CUL1: variants seen among roughly 807,000 people sequenced by gnomAD.
CUL1 encodes cullin-1.
A neutral mutation model predicts 118.0 loss-of-function variants in CUL1; 24 were observed. The observed-to-expected ratio is 0.20, with a 90% CI of 0.15 to 0.29. The LOEUF (loss-of-function observed/expected upper bound fraction) is 0.29, where lower values mean the gene tolerates loss of function less well. CUL1 is among the 10% of genes least tolerant of loss of function. The pLI is 1.00. For synonymous variants in CUL1, 332 were observed against 340.4 expected (o/e 0.98, Z 0.27); for missense variants, 361 against 933.8 (o/e 0.39, Z 7.99).
chr7:148,763,045 G>T (rs1437952789), intron 7 of CUL1, among the ~76,000 whole-genome samples: 1 of 152,156 alleles, frequency 6.6e-6, no homozygotes, highest in Non-Finnish European at 1.5e-5. Context: ...TACTTGGGAA[G>T]CTGAGGCAGG....
chr7:148,725,587 C>G (rs1020956831), intron 1 of CUL1, among the ~76,000 whole-genome samples: 6 of 152,122 alleles, frequency 3.9e-5, no homozygotes, highest in Non-Finnish European at 7.4e-5. Flanking sequence ...TCGTGGGTGC[C>G]CATCTCTAAG....
chr7:148,732,977 G>C (rs908152472), intron 2 of CUL1, among the ~76,000 whole-genome samples: 2 of 152,014 alleles, frequency 1.3e-5, no homozygotes, highest in Non-Finnish European at 2.9e-5. Flanking sequence ...CAGCTGTCAG[G>C]CTTTGTGCTT....
At chr7:148,727,143 T>C (rs1798612859) in intron 1 of CUL1, among the ~76,000 whole-genome samples, 3 of 152,218 alleles carry the variant, frequency 2.0e-5, no homozygotes, top group Admixed American at 1.3e-4. Flanking sequence ...CTACTAAATA[T>C]TCGTTAAAAC....
intron 17 of CUL1, among the ~76,000 whole-genome samples, chr7:148,795,769 C>CA (rs915978562): frequency 0.044 from 2,453 of 55,740 alleles, 42 homozygotes; most frequent in African/African-American, 0.08. Flanking sequence ...GACTCTGTCT[C>CA]AAAAAAAAAA....
rs541557917 is a variant in CUL1, at chr7:148,794,411, A to G, written c.1899+1593A>G. On this transcript the variant is annotated intron_variant, in intron 17 of 21. Coordinates refer to ENST00000325222, the MANE Select transcript of CUL1 (RefSeq NM_003592.3). ...ATATGGGTTTATTTCTGGATTCTCA[A>G]TTATTTTCCAGTGATCTGTATATCT... 3.3e-5 allele frequency among the ~76,000 whole-genome samples: 5 copies of G among 152,276 alleles called. No homozygotes were observed. The South Asian group carries it at 8.3e-4, about 25-fold the overall frequency.
chr7:148,762,242 A>G (rs894095646), intron 7 of CUL1, among the ~76,000 whole-genome samples: 2 of 152,214 alleles, frequency 1.3e-5, no homozygotes, highest in African/African-American at 4.8e-5. Context: ...AATTAAAAGC[A>G]ACAGCTCTGC....
At chr7:148,708,545 T>TACAG (rs1797958051) in intron 1 of CUL1, among the ~76,000 whole-genome samples, 1 of 152,234 alleles carries the variant, frequency 6.6e-6, no homozygotes, top group Non-Finnish European at 1.5e-5. Context: ...CTTCCTTGAT[T>TACAG]ACAGAGGCTC....
chr7:148,702,093 T>C (rs1339551084), intron 1 of CUL1, among the ~76,000 whole-genome samples: 5 of 152,192 alleles, frequency 3.3e-5, no homozygotes, highest in Non-Finnish European at 5.9e-5. Context: ...AAATGAAAAA[T>C]AGATCCTATT....
At chr7:148,765,923 C>T (rs1236762176) in intron 7 of CUL1, among the ~76,000 whole-genome samples, 1 of 152,092 alleles carries the variant, frequency 6.6e-6, no homozygotes, top group Non-Finnish European at 1.5e-5. Context: ...CTTAGAGTGG[C>T]AGAGACATTA....
At chr7:148,777,177 A>G (rs959666429) in intron 9 of CUL1, among the ~76,000 whole-genome samples, 2 of 152,184 alleles carry the variant, frequency 1.3e-5, no homozygotes, top group African/African-American at 2.4e-5. Context: ...CAAGGCCGGA[A>G]TCAAAATGAA....
chr7:148,746,737 T>G (rs1234830842), intron 2 of CUL1, among the ~76,000 whole-genome samples: 1 of 152,260 alleles, frequency 6.6e-6, no homozygotes, highest in Non-Finnish European at 1.5e-5. Flanking sequence ...GATTCTTTAG[T>G]AAGTAAAAGT....
At chr7:148,783,505 G>T in intron 9 of CUL1, 1 of 1,290,944 alleles carries the variant, frequency 7.7e-7, no homozygotes. Flanking sequence ...CTGTTTTCAT[G>T]ATCTCTTTGA....
chr7:148,786,746 T>C, intron 12 of CUL1, 147 bp downstream of exon 12: 1 of 822,316 alleles, frequency 1.2e-6, no homozygotes. Context: ...TAAATTGAGT[T>C]ACTACTTTTA....
intron 2 of CUL1, 73 bp from the exon 3 acceptor site, chr7:148,753,903 A>G (rs1323734911): frequency 1.7e-6 from 2 of 1,173,222 alleles, no homozygotes; most frequent in Non-Finnish European, 2.4e-6. Flanking sequence ...GTAATGAAAT[A>G]TAAGAAAATA....
chr7:148,765,512 C>A (rs1008724887), intron 7 of CUL1, among the ~76,000 whole-genome samples: 42 of 152,096 alleles, frequency 2.8e-4, no homozygotes, highest in Non-Finnish European at 7.4e-5. Context: ...CACCTGTAGT[C>A]CCAGCTGCAC....
rs114899825 is a variant in CUL1 at position 148,742,424 on chromosome 7, G to A, written c.141-11552G>A. On this transcript the variant is annotated intron_variant, in intron 2 of 21. Coordinates refer to ENST00000325222, the MANE Select transcript of CUL1 (RefSeq NM_003592.3). The stretch of plus-strand genomic sequence containing the variant: ...TTCTATGAGACTTATTCACTACCAC[G>A]AGAACACTATCGGGGAAACTGCTTT... Among the ~76,000 whole-genome samples the A allele has an allele frequency of 5.3e-3, 809 of 152,176 alleles. 7 individuals are homozygous for A. Among genetic ancestry groups the A allele is most frequent in the African/African-American group, 0.018 (763 of 41,498 alleles).
chr7:148,721,207 C>G (rs1045243413), intron 1 of CUL1, among the ~76,000 whole-genome samples: 19 of 152,138 alleles, frequency 1.2e-4, no homozygotes, highest in Non-Finnish European at 2.4e-4. Flanking sequence ...TGTTAAGAAG[C>G]AAGCTTACTA....
chr7:148,799,719 A>T (rs921732308), intron 21 of CUL1, among the ~76,000 whole-genome samples: 3 of 151,808 alleles, frequency 2.0e-5, no homozygotes, highest in Non-Finnish European at 4.4e-5. Flanking sequence ...GTCTTCTGAC[A>T]CCATAAAACA....
intron 1 of CUL1, among the ~76,000 whole-genome samples, chr7:148,723,566 G>A (rs1010367039): frequency 5.9e-5 from 9 of 151,978 alleles, no homozygotes; most frequent in Non-Finnish European, 1.3e-4. Context: ...ATACTTATAA[G>A]GCTGCTTGTT....
Sources: gnomAD v4.1 joint callset for allele counts (sites outside exome capture counted in the v4.1 genomes callset) on GRCh38, gnomAD v4.1.1 for gene constraint, MANE v1.5 for transcripts, NCBI Gene and HGNC (gene_info 2026-07-23, HGNC 2026-07-21) for gene names.